The following FBXO11 variants were observed in gnomAD, a reference collection of about 807,000 sequenced individuals.
The protein encoded by FBXO11 is F-box protein 11.
Under a neutral mutation model 117.0 loss-of-function variants are expected in FBXO11, and 13 were observed. The ratio of observed to expected loss-of-function variants is 0.11; its 90% CI spans 0.07 to 0.18. The LOEUF is 0.18. Ranked by LOEUF, FBXO11 falls within the 10% of genes least tolerant of loss-of-function variation. FBXO11 has a pLI of 1.00. For synonymous variants in FBXO11, 490 were observed against 380.5 expected (o/e 1.29, Z -3.35); for missense variants, 767 against 1,164.4 (o/e 0.66, Z 4.97).
intron 1 of FBXO11, among the ~76,000 whole-genome samples, chr2:47,854,541 C>T (rs1674119709): frequency 6.6e-6 from 1 of 151,946 alleles, no homozygotes; most frequent in African/African-American, 2.4e-5. Flanking sequence ...CAGAACCTAG[C>T]TGTATGACTG....
intron 1 of FBXO11, among the ~76,000 whole-genome samples, chr2:47,842,501 G>T (rs1484918410): frequency 6.6e-6 from 1 of 152,136 alleles, no homozygotes; most frequent in Admixed American, 6.5e-5. Context: ...AAAAAGGGGG[G>T]AGAGTTTGTA....
chr2:47,864,863 T>C (rs1315068927), intron 1 of FBXO11, among the ~76,000 whole-genome samples: 2 of 152,006 alleles, frequency 1.3e-5, no homozygotes, highest in Admixed American at 1.3e-4. Flanking sequence ...AATAGTCTAT[T>C]TGTTATGTGA....
intron 1 of FBXO11, among the ~76,000 whole-genome samples, chr2:47,880,646 G>A (rs770155246): frequency 6.6e-6 from 1 of 152,090 alleles, no homozygotes; most frequent in Non-Finnish European, 1.5e-5. Flanking sequence ...GCTTCACCAA[G>A]TTTGCTATGT....
At chr2:47,831,142 C>T (rs113348815) in intron 11 of FBXO11, among the ~76,000 whole-genome samples, 7,004 of 151,580 alleles carry the variant, frequency 0.046, 524 homozygotes, top group African/African-American at 0.16. Flanking sequence ...CTTGGCCAGG[C>T]GCAGTGGCTC....
intron 16 of FBXO11, 84 bp from the exon 17 acceptor site, chr2:47,813,951 T>A: frequency 2.0e-6 from 2 of 988,188 alleles, no homozygotes; most frequent in Non-Finnish European, 3.2e-6. Flanking sequence ...AGTGGAGAAA[T>A]CCACATAAGT....
chr2:47,901,111 ATG>A lies in FBXO11; in HGVS notation c.232+4376_232+4377del, dbSNP rs1348894150. ...CATATATATACATATATATGTATAT[ATG>A]TACACACGTGTGTACATGTATATAT... On this transcript the variant is annotated intron_variant, in intron 1 of 22. Coordinates refer to ENST00000403359, the MANE Select transcript of FBXO11 (RefSeq NM_001190274.2). Among the ~76,000 whole-genome samples, 34 of 109,576 alleles carry A rather than the reference ATG, an allele frequency of 3.1e-4. 1 individual carries two copies. Among genetic ancestry groups the A allele is most frequent in the South Asian group, 1.3e-3 (5 of 3,962 alleles). 71.9% of individuals were successfully genotyped at this position (109,576 alleles called of 152,430 possible).
chr2:47,899,750 G>T (rs182336690), intron 1 of FBXO11, among the ~76,000 whole-genome samples: 1 of 152,090 alleles, frequency 6.6e-6, no homozygotes, highest in African/African-American at 2.4e-5. Context: ...TGGAAGATAA[G>T]AATATATTTC....
chr2:47,809,662 T>C lies in FBXO11; in HGVS notation c.2384A>G (p.Gln795Arg), dbSNP rs1267843819. ...GCCTCCAAACCGGTTGTTAAAAATCTGATTGCCTTCTAGTGTTGCAGTTGC... is the reference window on the plus strand; with the variant it reads ...GCCTCCAAACCGGTTGTTAAAAATCCGATTGCCTTCTAGTGTTGCAGTTGC... ...NHATATLEGNQIFNNRFGGLF... is the reference protein window; with the variant it reads ...NHATATLEGNRIFNNRFGGLF... Residue 795 changes from glutamine to arginine, a missense_variant, in exon 20 of 23, where the codon CAG becomes CGG. Gln to Arg is a conservative substitution (Grantham distance 43). Coordinates refer to ENST00000403359, the MANE Select transcript of FBXO11 (RefSeq NM_001190274.2). The C allele has an allele frequency of 1.2e-6, 2 of 1,613,554 alleles. No individual in the cohort carries two copies. Among genetic ancestry groups the C allele is most frequent in the Non-Finnish European group, 1.7e-6 (2 of 1,179,866 alleles).
intron 5 of FBXO11, 142 bp downstream of exon 5, chr2:47,835,730 T>G (rs1203706219): frequency 8.4e-6 from 4 of 475,222 alleles, no homozygotes; most frequent in Non-Finnish European, 1.1e-5. Flanking sequence ...ACTCCTGACC[T>G]CAGGTAATCC....
intron 5 of FBXO11, among the ~76,000 whole-genome samples, chr2:47,835,081 G>T (rs542815985): frequency 1.3e-5 from 2 of 152,276 alleles, no homozygotes; most frequent in South Asian, 4.1e-4. Flanking sequence ...CTCAATCTCA[G>T]CATTACTGAT....
rs1224661638 is a variant in FBXO11, at chr2:47,813,846, A to C, written c.2028T>G (p.Ile676Met). The C allele has an allele frequency of 6.2e-7, 1 of 1,613,516 alleles. No homozygotes were observed. Residue 676 changes from isoleucine to methionine, a missense_variant, in exon 17 of 23, where the codon ATT (isoleucine) becomes ATG (methionine). This residue lies in a region of FBXO11 where 42 missense variants were observed against 216.8 expected (regional missense o/e 0.19). Transcript: ENST00000403359. ...VQIRTGSNPK[I>M]RRNKIWGGQN... ...GTCCTCCCCAGATTTTGTTGCGTCT[A>C]ATTTTGGGGTTGCTTCCAGTCCTGT...
At chr2:47,830,014 C>T (rs912086834) in intron 11 of FBXO11, among the ~76,000 whole-genome samples, 3 of 152,040 alleles carry the variant, frequency 2.0e-5, no homozygotes, top group Non-Finnish European at 4.4e-5. Context: ...ACCACGGAGA[C>T]ATGGTAAGGA....
At chr2:47,866,509 C>T (rs1330035330) in intron 1 of FBXO11, among the ~76,000 whole-genome samples, 1 of 150,648 alleles carries the variant, frequency 6.6e-6, no homozygotes, top group Non-Finnish European at 1.5e-5. Flanking sequence ...GAGTCTTGCT[C>T]TGTCGCCAGG....
intron 11 of FBXO11, among the ~76,000 whole-genome samples, chr2:47,829,279 C>T (rs1435825292): frequency 2.6e-5 from 4 of 152,116 alleles, no homozygotes; most frequent in South Asian, 4.2e-4. Flanking sequence ...CTTGCTCTGT[C>T]GCCCAGGCTG....
At chr2:47,868,242 C>G (rs949275716) in intron 1 of FBXO11, among the ~76,000 whole-genome samples, 2 of 145,572 alleles carry the variant, frequency 1.4e-5, no homozygotes, top group Non-Finnish European at 1.5e-5. Flanking sequence ...GAGATCGCGC[C>G]ACTGCACTAC....
intron 5 of FBXO11, 137 bp from the exon 6 acceptor site, chr2:47,835,008 G>A (rs1672441158): frequency 4.4e-6 from 3 of 676,076 alleles, no homozygotes; most frequent in Non-Finnish European, 7.6e-6. Flanking sequence ...TTCTGTCAGA[G>A]TACAATGTAA....
At chr2:47,857,051 A>C (rs1253208151) in intron 1 of FBXO11, among the ~76,000 whole-genome samples, 1 of 152,254 alleles carries the variant, frequency 6.6e-6, no homozygotes, top group African/African-American at 2.4e-5. Context: ...TATAGACATT[A>C]CACTATTTAT....
intron 1 of FBXO11, among the ~76,000 whole-genome samples, chr2:47,854,922 T>G (rs1674162933): frequency 6.6e-6 from 1 of 151,598 alleles, no homozygotes; most frequent in South Asian, 2.1e-4. Context: ...AACCTTTTAT[T>G]AAGAGATGGC....
intron 12 of FBXO11, 147 bp from the exon 13 acceptor site, chr2:47,822,450 C>CCTG: frequency 1.7e-6 from 1 of 571,772 alleles, no homozygotes; most frequent in Non-Finnish European, 3.0e-6. Flanking sequence ...AGGCCTAAGA[C>CCTG]TTTGGAAAAG....
Sources: allele counts gnomAD v4.1 joint callset (sites outside exome capture counted in the v4.1 genomes callset), GRCh38; gene constraint gnomAD v4.1.1; regional missense constraint gnomAD v4.1.1; transcripts MANE v1.5; gene names NCBI Gene and HGNC (gene_info 2026-07-23, HGNC 2026-07-21).